UQCC1: variants seen among roughly 807,000 people sequenced by gnomAD.
The protein encoded by UQCC1 is ubiquinol-cytochrome c reductase complex assembly factor 1.
Under a neutral mutation model 48.0 loss-of-function variants are expected in UQCC1, and 38 were observed. The observed-to-expected ratio is 0.79, with a 90% confidence interval of 0.61 to 1.04. The LOEUF (loss-of-function observed/expected upper bound fraction) is 1.04. UQCC1 is among the 50% of genes least tolerant of loss of function. UQCC1 has a pLI of 0.00. For missense variants in UQCC1, 368 were observed against 381.8 expected, an observed-to-expected ratio of 0.96 and a Z score of 0.30; for synonymous variants, 111 against 129.2, an observed-to-expected ratio of 0.86 and a Z score of 0.95.
intron 7 of UQCC1, among the ~76,000 whole-genome samples, chr20:35,331,912 C>T (rs2061261528): frequency 6.6e-6 from 1 of 152,170 alleles, no homozygotes; most frequent in Non-Finnish European, 1.5e-5. Context: ...TTAATATGTG[C>T]CAAACACTGT....
chr20:35,379,336 G>A (rs2061839307), intron 4 of UQCC1, among the ~76,000 whole-genome samples: 1 of 152,170 alleles, frequency 6.6e-6, no homozygotes, highest in Admixed American at 6.6e-5. Context: ...TCAAATACAT[G>A]TGAAAACACA....
intron 7 of UQCC1, among the ~76,000 whole-genome samples, chr20:35,328,593 G>A (rs1220282785): frequency 6.6e-6 from 1 of 150,960 alleles, no homozygotes; most frequent in Non-Finnish European, 1.5e-5. Context: ...GGCTAGGGCA[G>A]GATTTGAGTC....
intron 6 of UQCC1, among the ~76,000 whole-genome samples, chr20:35,347,904 T>C (rs993409872): frequency 2.0e-5 from 3 of 152,236 alleles, no homozygotes; most frequent in African/African-American, 7.2e-5. Flanking sequence ...AATTTGTTTC[T>C]TTTTACTTTT....
intron 7 of UQCC1, among the ~76,000 whole-genome samples, chr20:35,337,781 T>C (rs1330373101): frequency 6.6e-6 from 1 of 152,188 alleles, no homozygotes; most frequent in Non-Finnish European, 1.5e-5. Context: ...TTGAGAAATC[T>C]AAAGCAATGG....
At chr20:35,361,568 T>C (rs2061605499) in intron 6 of UQCC1, among the ~76,000 whole-genome samples, 1 of 152,226 alleles carries the variant, frequency 6.6e-6, no homozygotes, top group Admixed American at 6.5e-5. Flanking sequence ...TATGTTTAAG[T>C]AGGTACTTTA....
chr20:35,403,554 T>TA (rs2062200761), intron 1 of UQCC1, among the ~76,000 whole-genome samples: 1 of 152,130 alleles, frequency 6.6e-6, no homozygotes, highest in Admixed American at 6.6e-5. Flanking sequence ...AGACATCCCA[T>TA]TACTGGGTAT....
chr20:35,366,079 A>C (rs1351220229), intron 6 of UQCC1, among the ~76,000 whole-genome samples: 6 of 152,260 alleles, frequency 3.9e-5, no homozygotes, highest in African/African-American at 1.4e-4. Context: ...AAGGTGTTAA[A>C]TATTTTTACA....
At chr20:35,307,830 G>C (rs2060945351) in intron 8 of UQCC1, among the ~76,000 whole-genome samples, 1 of 152,222 alleles carries the variant, frequency 6.6e-6, no homozygotes, top group African/African-American at 2.4e-5. Context: ...TGCTTTGGCA[G>C]ACAGCGGGGA....
At chr20:35,348,791 T>C (rs1812526588) in intron 6 of UQCC1, among the ~76,000 whole-genome samples, 1 of 152,114 alleles carries the variant, frequency 6.6e-6, no homozygotes, top group Non-Finnish European at 1.5e-5. Context: ...GTAGCTGAGA[T>C]TACAGGTGTG....
intron 7 of UQCC1, among the ~76,000 whole-genome samples, chr20:35,336,976 G>A (rs995457220): frequency 6.6e-6 from 1 of 152,190 alleles, no homozygotes; most frequent in African/African-American, 2.4e-5. Context: ...CTCTTAGCGA[G>A]GAGAACAGTA....
chr20:35,363,920 G>C (rs1715552990), intron 6 of UQCC1, among the ~76,000 whole-genome samples: 1 of 152,066 alleles, frequency 6.6e-6, no homozygotes, highest in South Asian at 2.1e-4. Context: ...CCACAGACTT[G>C]GGGTGGATCC....
At chr20:35,324,778 G>A (rs1318018951) in intron 7 of UQCC1, among the ~76,000 whole-genome samples, 8 of 152,318 alleles carry the variant, frequency 5.3e-5, no homozygotes, top group East Asian at 3.9e-4. Flanking sequence ...ACAGTTTGGC[G>A]GTTTCTCAAA....
At chr20:35,325,436 G>A (rs1357071715) in intron 7 of UQCC1, among the ~76,000 whole-genome samples, 1 of 152,212 alleles carries the variant, frequency 6.6e-6, no homozygotes, top group Non-Finnish European at 1.5e-5. Flanking sequence ...AACCATGTGT[G>A]TATTAAAGCC....
At chr20:35,374,733 C>T (rs2061776541) in intron 4 of UQCC1, among the ~76,000 whole-genome samples, 1 of 151,968 alleles carries the variant, frequency 6.6e-6, no homozygotes, top group Admixed American at 6.6e-5. Flanking sequence ...TAAGCGGTAT[C>T]TTTTTTCCAG....
chr20:35,317,747 G>A (rs2061077946), intron 7 of UQCC1, among the ~76,000 whole-genome samples: 1 of 152,200 alleles, frequency 6.6e-6, no homozygotes, highest in African/African-American at 2.4e-5. Flanking sequence ...AGGCTTGCTG[G>A]TAACTGAATT....
chr20:35,401,961 G>A (rs1027800725), intron 1 of UQCC1, among the ~76,000 whole-genome samples: 4 of 151,212 alleles, frequency 2.6e-5, no homozygotes. Flanking sequence ...ATGCCCAGCC[G>A]AAATCCACTT....
At chr20:35,377,635 C>A (rs558918110) in intron 4 of UQCC1, among the ~76,000 whole-genome samples, 2 of 152,330 alleles carry the variant, frequency 1.3e-5, no homozygotes, top group East Asian at 3.9e-4. Flanking sequence ...CAGCTACAGA[C>A]AAGTATGTAA....
intron 7 of UQCC1, among the ~76,000 whole-genome samples, chr20:35,333,386 G>A (rs952931159): frequency 2.0e-5 from 3 of 152,158 alleles, no homozygotes; most frequent in Non-Finnish European, 2.9e-5. Context: ...TGTGGGGGGC[G>A]GGAGAAGAAA....
intron 5 of UQCC1, among the ~76,000 whole-genome samples, chr20:35,367,908 G>A (rs1211655292): frequency 6.6e-6 from 1 of 152,152 alleles, no homozygotes; most frequent in African/African-American, 2.4e-5. Context: ...CTTCTCCTTG[G>A]TTTCAGATCC....
Sources: allele counts gnomAD v4.1 joint callset (sites outside exome capture counted in the v4.1 genomes callset), GRCh38; gene constraint gnomAD v4.1.1; transcripts MANE v1.5; gene names NCBI Gene and HGNC (gene_info 2026-07-23, HGNC 2026-07-21).